Variants in INSR observed in about 807,000 individuals in gnomAD.
INSR encodes insulin receptor.
Under a neutral mutation model 142.6 loss-of-function variants are expected in INSR, and 67 were observed. The observed-to-expected ratio is 0.47, with a 90% CI of 0.39 to 0.58. The LOEUF is 0.58. INSR is among the 20% of genes least tolerant of loss of function. The pLI is 0.00. For synonymous variants in INSR, 756 were observed against 743.1 expected, an observed-to-expected ratio of 1.02 and a Z score of -0.28; for missense variants, 1,248 against 1,833.2, an observed-to-expected ratio of 0.68 and a Z score of 5.83.
chr19:7,229,760 CTTTTTTTTTTT>C (rs71177180), intron 2 of INSR, among the ~76,000 whole-genome samples: 5 of 87,528 alleles, frequency 5.7e-5, no homozygotes, highest in South Asian at 4.8e-4. Flanking sequence ...CATTTACAGT[CTTTTTTTTTTT>C]TTTTTTTTTT....
intron 15 of INSR, among the ~76,000 whole-genome samples, chr19:7,128,373 G>A (rs564262293): frequency 1.1e-3 from 160 of 151,652 alleles, no homozygotes; most frequent in African/African-American, 3.7e-3. Flanking sequence ...CACCATGCCC[G>A]GTTAATTTTT....
Position 7,170,672 on chromosome 19 carries a change from G to A in INSR, c.1348C>T (p.Gln450Ter), listed in dbSNP as rs2144950571. ...DWSKHNLTIT[Q>*]GKLFFHYNPK... is the part of the protein sequence containing the mutation. ...TTATAGTGGAAGAAGAGTTTCCCCT[G>A]AGTGATGGTGAGGTTGTGTTTGCTC... Residue 450 changes from glutamine (Q) to a stop codon, truncating the protein, a stop_gained, in exon 6 of 22, where the codon CAG becomes TAG. Transcript: ENST00000302850. LOFTEE classifies it high-confidence loss of function. The A allele has an allele frequency of 2.5e-6, 4 of 1,613,972 alleles. No homozygotes were observed. Among genetic ancestry groups the A allele is most frequent in the Non-Finnish European group, 3.4e-6 (4 of 1,179,978 alleles).
intron 9 of INSR, among the ~76,000 whole-genome samples, chr19:7,157,045 A>G (rs1422356539): frequency 2.0e-5 from 3 of 152,114 alleles, no homozygotes; most frequent in Middle Eastern, 3.2e-3. Context: ...CAGTGGCGCT[A>G]TCTCGGCTCA....
intron 2 of INSR, among the ~76,000 whole-genome samples, chr19:7,196,506 A>G (rs1974751251): frequency 6.6e-6 from 1 of 152,180 alleles, no homozygotes; most frequent in Non-Finnish European, 1.5e-5. Flanking sequence ...GAAATAGGAG[A>G]CGCAGCGCTG....
At chr19:7,195,681 A>C (rs558058337) in intron 2 of INSR, among the ~76,000 whole-genome samples, 2 of 149,972 alleles carry the variant, frequency 1.3e-5, no homozygotes, top group East Asian at 3.9e-4. Flanking sequence ...AATAAATAAA[A>C]GCCAATGTTG....
intron 12 of INSR, 86 bp downstream of exon 12, chr19:7,142,730 T>G (rs1973100974): frequency 1.4e-6 from 2 of 1,481,176 alleles, no homozygotes; most frequent in Non-Finnish European, 1.9e-6. Flanking sequence ...AATACAGATA[T>G]GCACTGCTTA....
chr19:7,153,017 A>ATACACACAC, intron 9 of INSR, 90 bp from the exon 10 acceptor site: 1 of 507,980 alleles, frequency 2.0e-6, no homozygotes, highest in South Asian at 2.0e-5. Context: ...CACACACCAC[A>ATACACACAC]CACACACACC....
In INSR at chr19:7,184,659, GA is replaced by G. The variant is rs763631251; in HGVS notation, c.653-23del. ...CAAACTGGAGAGAGAGAGAGAGAGA[GA>G]GGGAAATAAATAAATAAATAAATAA... On this transcript the variant is annotated intron_variant, in intron 2 of 21. Transcript: ENST00000302850. The G allele has an allele frequency of 7.1e-3, 9,740 of 1,376,650 alleles. 33 individuals are homozygous for G. The highest frequency in any genetic ancestry group is 0.011 in the African/African-American group (710 of 65,680). 85.3% of individuals were successfully genotyped at this position (1,376,650 alleles called of 1,614,324 possible).
chr19:7,244,576 A>C (rs948954820), intron 2 of INSR, among the ~76,000 whole-genome samples: 2 of 152,158 alleles, frequency 1.3e-5, no homozygotes, highest in African/African-American at 2.4e-5. Flanking sequence ...AGGAGATCCC[A>C]TACCTGCCCG....
chr19:7,142,389 C>CAAAAAAAAAAAAAAAA (rs34453877), intron 12 of INSR, among the ~76,000 whole-genome samples: 6 of 42,142 alleles, frequency 1.4e-4, no homozygotes, highest in East Asian at 2.0e-3. Flanking sequence ...GACTTCATCT[C>CAAAAAAAAAAAAAAAA]AAAAAAAAAA....
At chr19:7,199,059 A>T (rs974847648) in intron 2 of INSR, among the ~76,000 whole-genome samples, 1 of 151,234 alleles carries the variant, frequency 6.6e-6, no homozygotes, top group Non-Finnish European at 1.5e-5. Context: ...AATTTTTTCT[A>T]TTTTTTTGTA....
intron 2 of INSR, among the ~76,000 whole-genome samples, chr19:7,203,749 C>T (rs1340330315): frequency 6.6e-6 from 1 of 152,146 alleles, no homozygotes; most frequent in Admixed American, 6.6e-5. Flanking sequence ...TCTGCAGAGG[C>T]ACCGTGAAAC....
At chr19:7,167,678 T>C (rs1180816847) in intron 7 of INSR, among the ~76,000 whole-genome samples, 5 of 152,092 alleles carry the variant, frequency 3.3e-5, no homozygotes, top group Non-Finnish European at 1.5e-5. Context: ...GGATGTCTGA[T>C]GAGACATACA....
chr19:7,225,680 T>C lies in INSR; in HGVS notation c.653-41043A>G, dbSNP rs544133322. On this transcript the variant is annotated intron_variant, in intron 2 of 21. Transcript: ENST00000302850. The surrounding 1 kb of genome is among the most constrained non-coding windows in gnomAD (Gnocchi z 4.7). ...AACCACAGAGCCACGAGGCTGATGA[T>C]GGGCTCTTGGTTTCCATTTCCCCCC... Among the ~76,000 whole-genome samples, 31 of 141,272 alleles carry C rather than the reference T, an allele frequency of 2.2e-4. No individual in the cohort carries two copies. Among genetic ancestry groups the C allele is most frequent in the Middle Eastern group, 3.6e-3 (1 of 280 alleles). 92.7% of individuals were successfully genotyped at this position (141,272 alleles called of 152,430 possible).
intron 2 of INSR, among the ~76,000 whole-genome samples, chr19:7,205,077 T>C (rs1448152613): frequency 6.6e-6 from 1 of 152,092 alleles, no homozygotes; most frequent in African/African-American, 2.4e-5. Flanking sequence ...AAAGTGAAAC[T>C]TCATCTCAAA....
intron 2 of INSR, among the ~76,000 whole-genome samples, chr19:7,198,158 C>T (rs1325365853): frequency 6.6e-6 from 1 of 151,862 alleles, no homozygotes; most frequent in Non-Finnish European, 1.5e-5. Context: ...GCACAAAGCC[C>T]GGGGCGCACT....
chr19:7,152,208 T>C (rs929537423), intron 10 of INSR: 11 of 217,692 alleles, frequency 5.1e-5, no homozygotes, highest in African/African-American at 1.4e-4. Context: ...CTAGCCAACA[T>C]GGCAAAACCC....
intron 2 of INSR, among the ~76,000 whole-genome samples, chr19:7,232,474 G>A (rs1038186699): frequency 5.3e-5 from 8 of 152,170 alleles, no homozygotes; most frequent in South Asian, 4.1e-4. Flanking sequence ...GATGACAGGC[G>A]TGAGCCACTG....
At chr19:7,184,209 C>G in intron 3 of INSR, 107 bp downstream of exon 3, 1 of 993,472 alleles carries the variant, frequency 1.0e-6, no homozygotes, top group Non-Finnish European at 1.5e-6. Context: ...TCACTCATAG[C>G]CAATTAACCC....
Sources: allele counts gnomAD v4.1 joint callset (sites outside exome capture counted in the v4.1 genomes callset), GRCh38; gene constraint gnomAD v4.1.1; non-coding constraint Gnocchi (gnomAD v3.1); transcripts MANE v1.5; gene names NCBI Gene and HGNC (gene_info 2026-07-23, HGNC 2026-07-21).